HS6ST3: variants seen among roughly 807,000 people sequenced by gnomAD.
The protein encoded by HS6ST3 is heparan-sulfate 6-O-sulfotransferase 3.
Under a neutral mutation model 36.7 loss-of-function variants are expected in HS6ST3, and 12 were observed. That is an observed-to-expected ratio of 0.33 (90% CI 0.21 to 0.53). The LOEUF is 0.53. Among genes scored for constraint, HS6ST3 ranks in the 20% least tolerant of loss-of-function variants. The probability of loss-of-function intolerance (pLI) is 0.95; values close to 1 mark genes in which losing one functional copy is unlikely to be tolerated. For synonymous variants in HS6ST3, 240 were observed against 257.5 expected (o/e 0.93, Z 0.65); for missense variants, 584 against 640.9 (o/e 0.91, Z 0.96).
chr13:96,733,843 C>T (rs1924583), intron 1 of HS6ST3, among the ~76,000 whole-genome samples: 84,861 of 152,006 alleles, frequency 0.56, 25,536 homozygotes, highest in African/African-American at 0.8. Flanking sequence ...CTTCCTGTCT[C>T]TCTCCTCCAC....
At chr13:96,416,655 A>C (rs532104502) in intron 1 of HS6ST3, among the ~76,000 whole-genome samples, 1 of 103,586 alleles carries the variant, frequency 9.7e-6, no homozygotes, top group African/African-American at 3.8e-5. Context: ...TGTAAACTGT[A>C]AGTGTATTTT....
chr13:96,235,191 G>A (rs2054528454), intron 1 of HS6ST3, among the ~76,000 whole-genome samples: 1 of 152,054 alleles, frequency 6.6e-6, no homozygotes, highest in Non-Finnish European at 1.5e-5. Flanking sequence ...TATGATATGG[G>A]GAAATAATAT....
Position 96,790,773 on chromosome 13 carries a change from G to T in HS6ST3, c.708-41717G>T, listed in dbSNP as rs193168990. Among the ~76,000 whole-genome samples the T allele has an allele frequency of 2.2e-3, 334 of 152,126 alleles. 2 individuals are homozygous for T. The highest frequency in any genetic ancestry group is 4.0e-3 in the Non-Finnish European group (269 of 67,976). ...CAGGAAGGTTTGCATAATATGTCTC[G>T]ATAGCAGTCACCTTCACAGGTGATT... On this transcript the variant is annotated intron_variant, in intron 1 of 1. Coordinates refer to ENST00000376705, the MANE Select transcript of HS6ST3 (RefSeq NM_153456.4).
chr13:96,150,643 A>G (rs561753076), intron 1 of HS6ST3, among the ~76,000 whole-genome samples: 90 of 152,272 alleles, frequency 5.9e-4, no homozygotes, highest in Middle Eastern at 3.4e-3. Context: ...CATTTTTATG[A>G]CAGCACATCA....
intron 1 of HS6ST3, among the ~76,000 whole-genome samples, chr13:96,293,454 T>C (rs186307225): frequency 3.3e-5 from 5 of 152,204 alleles, no homozygotes; most frequent in African/African-American, 7.2e-5. Context: ...TTGACTCTTA[T>C]AACAAATTCT....
intron 1 of HS6ST3, among the ~76,000 whole-genome samples, chr13:96,609,099 A>C (rs1055398669): frequency 1.3e-5 from 2 of 151,844 alleles, no homozygotes; most frequent in Non-Finnish European, 2.9e-5. Context: ...CCTCCCGAGT[A>C]GCTGGGACTA....
chr13:96,641,066 A>G (rs1459335527), intron 1 of HS6ST3, among the ~76,000 whole-genome samples: 1 of 151,878 alleles, frequency 6.6e-6, no homozygotes, highest in Non-Finnish European at 1.5e-5. Context: ...ATTTTAGAAT[A>G]GTTTTTTTTC....
At chr13:96,606,694 A>G (rs1293782081) in intron 1 of HS6ST3, among the ~76,000 whole-genome samples, 1 of 151,862 alleles carries the variant, frequency 6.6e-6, no homozygotes, top group Non-Finnish European at 1.5e-5. Flanking sequence ...AGGATCATCC[A>G]TACCCCATAC....
chr13:96,657,459 T>C (rs1272507923), intron 1 of HS6ST3, among the ~76,000 whole-genome samples: 4 of 152,090 alleles, frequency 2.6e-5, no homozygotes, highest in Admixed American at 2.0e-4. Flanking sequence ...AGGTCAAAGA[T>C]GCAGTGAGCT....
intron 1 of HS6ST3, among the ~76,000 whole-genome samples, chr13:96,390,855 A>T (rs2055391873): frequency 6.6e-6 from 1 of 152,166 alleles, no homozygotes; most frequent in Non-Finnish European, 1.5e-5. Context: ...CGTCTCATAC[A>T]GTTCAGGTTT....
intron 1 of HS6ST3, among the ~76,000 whole-genome samples, chr13:96,241,185 A>ACTGT (rs1743082490): frequency 6.6e-6 from 1 of 151,996 alleles, no homozygotes; most frequent in Non-Finnish European, 1.5e-5. Flanking sequence ...GCCTAATAGA[A>ACTGT]CTGTCAGCTG....
chr13:96,765,892 CT>C (rs1308563979), intron 1 of HS6ST3, among the ~76,000 whole-genome samples: 3 of 152,202 alleles, frequency 2.0e-5, no homozygotes, highest in Admixed American at 2.0e-4. Flanking sequence ...AGAAATGACA[CT>C]GTAATAAATG....
At chr13:96,468,428 TTGTG>T (rs1430834395) in intron 1 of HS6ST3, among the ~76,000 whole-genome samples, 4 of 151,884 alleles carry the variant, frequency 2.6e-5, no homozygotes, top group African/African-American at 7.2e-5. Context: ...TTGAATTACT[TTGTG>T]TGGCCATTTG....
At chr13:96,516,693 A>G (rs1362996514) in intron 1 of HS6ST3, among the ~76,000 whole-genome samples, 3 of 152,208 alleles carry the variant, frequency 2.0e-5, no homozygotes, top group South Asian at 2.1e-4. Context: ...ATTTCAATGA[A>G]CACATTTAAA....
intron 1 of HS6ST3, among the ~76,000 whole-genome samples, chr13:96,494,431 C>T (rs144089268): frequency 0.014 from 2,108 of 151,044 alleles, 51 homozygotes; most frequent in African/African-American, 0.048. Flanking sequence ...TTAGGAGATA[C>T]ACCTAACATT....
In HS6ST3 at chr13:96,656,998, TGAGA is replaced by T. The variant is rs1179705458; in HGVS notation, c.708-175469_708-175466del. Among the ~76,000 whole-genome samples the T allele has an allele frequency of 7.4e-4, 73 of 98,336 alleles. No individual in the cohort carries two copies. In the East Asian group the frequency reaches 8.5e-3, roughly 11 times the overall value. The allele number at this position is 98,336 out of a possible 152,430, so 64.5% of individuals were successfully genotyped here. ...GTGTGTGTGTGTGTGTGTGTGTGTG[TGAGA>T]GAGAGAGAGAGAGAGAGAGAGAAAG... On this transcript the variant is annotated intron_variant, in intron 1 of 1. Transcript: ENST00000376705.
At chr13:96,619,282 G>A (rs1309143697) in intron 1 of HS6ST3, among the ~76,000 whole-genome samples, 2 of 152,132 alleles carry the variant, frequency 1.3e-5, no homozygotes, top group Non-Finnish European at 2.9e-5. Context: ...GATTGAAAAC[G>A]TACTCCATGA....
At chr13:96,524,379 A>G (rs1054414252) in intron 1 of HS6ST3, among the ~76,000 whole-genome samples, 1 of 152,156 alleles carries the variant, frequency 6.6e-6, no homozygotes, top group Non-Finnish European at 1.5e-5. Flanking sequence ...CAGGAGAACT[A>G]CTGCTCTCTT....
intron 1 of HS6ST3, among the ~76,000 whole-genome samples, chr13:96,091,935 T>C (rs1449112250): frequency 3.9e-5 from 6 of 152,028 alleles, no homozygotes; most frequent in Non-Finnish European, 1.5e-5. Flanking sequence ...CCTTGTAGAA[T>C]TGTGAACTTA....
Sources: allele counts gnomAD v4.1 joint callset (sites outside exome capture counted in the v4.1 genomes callset), GRCh38; gene constraint gnomAD v4.1.1; transcripts MANE v1.5; gene names NCBI Gene and HGNC (gene_info 2026-07-23, HGNC 2026-07-21).